Variants in PRRX1 observed in about 807,000 individuals in gnomAD.
PRRX1 encodes paired mesoderm homeobox protein 1.
A neutral mutation model predicts 24.0 loss-of-function variants in PRRX1; 8 were observed. The ratio of observed to expected loss-of-function variants is 0.33; its 90% CI spans 0.20 to 0.60. The LOEUF is 0.60. Ranked by LOEUF, PRRX1 falls within the 20% of genes least tolerant of loss-of-function variation. The pLI, the probability that PRRX1 is intolerant of heterozygous loss-of-function variation, is 0.82. For missense variants in PRRX1, 281 were observed against 322.4 expected (o/e 0.87, Z 0.98); for synonymous variants, 160 against 131.7 (o/e 1.22, Z -1.47).
At chr1:170,681,061 T>G (rs1401520178) in intron 1 of PRRX1, among the ~76,000 whole-genome samples, 1 of 152,180 alleles carries the variant, frequency 6.6e-6, no homozygotes, top group Non-Finnish European at 1.5e-5. Context: ...ACTTGTGCCT[T>G]TGGGTCTCTT....
chr1:170,684,694 A>C (rs1307178221), intron 1 of PRRX1, among the ~76,000 whole-genome samples: 1 of 152,318 alleles, frequency 6.6e-6, no homozygotes, highest in African/African-American at 2.4e-5. Context: ...CGGAGGTTGC[A>C]GTGAGCCAAG....
At chr1:170,690,986 G>A (rs1482965537) in intron 1 of PRRX1, among the ~76,000 whole-genome samples, 1 of 152,088 alleles carries the variant, frequency 6.6e-6, no homozygotes, top group Admixed American at 6.6e-5. Context: ...GTTTTATCTA[G>A]ACAGACAAAA....
intron 1 of PRRX1, among the ~76,000 whole-genome samples, chr1:170,700,152 T>C (rs912065997): frequency 2.0e-5 from 3 of 152,116 alleles, no homozygotes; most frequent in African/African-American, 7.2e-5. Context: ...AAACACCATA[T>C]TCAATTTTAT....
intron 2 of PRRX1, among the ~76,000 whole-genome samples, chr1:170,720,473 T>TTCCTC (rs1655045897): frequency 6.6e-6 from 1 of 152,216 alleles, no homozygotes; most frequent in African/African-American, 2.4e-5. Flanking sequence ...TTGCTACAGG[T>TTCCTC]TCCTCTCCCA....
chr1:170,669,688 A>G (rs1305417991), intron 1 of PRRX1, among the ~76,000 whole-genome samples: 1 of 151,984 alleles, frequency 6.6e-6, no homozygotes, highest in Non-Finnish European at 1.5e-5. Context: ...ACTCCTGGAA[A>G]ACCCTCCTTG....
chr1:170,705,201 G>A lies in PRRX1; in HGVS notation c.242-14525G>A, dbSNP rs138404476. On this transcript the variant is annotated intron_variant, in intron 1 of 3. Coordinates refer to ENST00000239461, the MANE Select transcript of PRRX1 (RefSeq NM_022716.4). The stretch of plus-strand genomic sequence containing the variant: ...TTAAGACCTCATTTATATAGCTCAT[G>A]GTTGTGTCAACCAGCATAATCTGGC... Among the ~76,000 whole-genome samples the A allele has an allele frequency of 6.5e-4, 99 of 152,122 alleles. 1 individual carries two copies. In the East Asian group the frequency reaches 0.016, roughly 25 times the overall value.
At chr1:170,691,982 C>T (rs1050811955) in intron 1 of PRRX1, among the ~76,000 whole-genome samples, 2 of 151,974 alleles carry the variant, frequency 1.3e-5, no homozygotes, top group Middle Eastern at 3.2e-3. Context: ...GTGCTTGGTA[C>T]TGTGTTAAGT....
intron 1 of PRRX1, among the ~76,000 whole-genome samples, chr1:170,684,272 C>G (rs1424946590): frequency 6.6e-6 from 1 of 152,174 alleles, no homozygotes; most frequent in East Asian, 1.9e-4. Flanking sequence ...TCAGGCTTGT[C>G]CTCTCTTTTC....
chr1:170,698,151 A>G (rs759481936), intron 1 of PRRX1, among the ~76,000 whole-genome samples: 1 of 152,174 alleles, frequency 6.6e-6, no homozygotes, highest in Non-Finnish European at 1.5e-5. Context: ...AAACAAAAAT[A>G]TTGAAGAGAA....
chr1:170,663,481 CTTTTTTTTTTAATTCTTAATT>C (rs1652796496), upstream of PRRX1: 1 of 150,534 alleles, frequency 6.6e-6, no homozygotes, highest in Non-Finnish European at 1.5e-5. Context: ...CTCTTGAAGC[CTTTTTTTTTTAATTCTTAATT>C]TTTTTTTTTA....
intron 1 of PRRX1, among the ~76,000 whole-genome samples, chr1:170,711,190 G>C (rs1420378456): frequency 1.3e-5 from 2 of 152,054 alleles, no homozygotes; most frequent in Non-Finnish European, 1.5e-5. Context: ...TGACATCCAA[G>C]ACCAGAGTAA....
chr1:170,690,174 T>C (rs559997431), intron 1 of PRRX1, among the ~76,000 whole-genome samples: 1 of 151,484 alleles, frequency 6.6e-6, no homozygotes, highest in South Asian at 2.1e-4. Flanking sequence ...TCCCACGCAC[T>C]GTAATAAGTA....
rs569820296 is a variant in PRRX1, at chr1:170,725,177, TG to T, written c.418-1039del. On this transcript the variant is annotated intron_variant, in intron 2 of 3. Transcript: ENST00000239461. The stretch of plus-strand genomic sequence containing the variant: ...GTTGCTTATCAGCTTAAGAAGTTTT[TG>T]GGGTGAGACGATAGGGTTTTCTAGA... Among the ~76,000 whole-genome samples the T allele has an allele frequency of 3.1e-3, 469 of 152,320 alleles. 4 individuals are homozygous for T. Among genetic ancestry groups the T allele is most frequent in the African/African-American group, 0.01 (425 of 41,574 alleles).
chr1:170,695,412 CT>C (rs973571903), intron 1 of PRRX1, among the ~76,000 whole-genome samples: 3 of 152,134 alleles, frequency 2.0e-5, no homozygotes, highest in Non-Finnish European at 4.4e-5. Context: ...ATGTTTTTCT[CT>C]TTTTACCAAA....
chr1:170,705,721 A>G (rs1223175962), intron 1 of PRRX1, among the ~76,000 whole-genome samples: 3 of 152,200 alleles, frequency 2.0e-5, no homozygotes, highest in Non-Finnish European at 4.4e-5. Context: ...TTAGTACTGT[A>G]CTAGGTAATG....
chr1:170,735,962 G>A, intron 3 of PRRX1, 86 bp from the exon 4 acceptor site: 3 of 1,567,928 alleles, frequency 1.9e-6, no homozygotes, highest in Admixed American at 1.7e-5. Flanking sequence ...CCCCCATGCT[G>A]AGAGTACATC....
chr1:170,712,243 G>A (rs918554390), intron 1 of PRRX1, among the ~76,000 whole-genome samples: 1 of 152,054 alleles, frequency 6.6e-6, no homozygotes, highest in Admixed American at 6.6e-5. Context: ...TTTTTAGAAA[G>A]CCAAGAATTG....
At chr1:170,713,400 A>G (rs2101912798) in intron 1 of PRRX1, among the ~76,000 whole-genome samples, 1 of 152,318 alleles carries the variant, frequency 6.6e-6, no homozygotes, top group South Asian at 2.1e-4. Flanking sequence ...CTTTAAGGAA[A>G]ATGTCTTAAG....
At chr1:170,703,053 CTT>C (rs1243834022) in intron 1 of PRRX1, among the ~76,000 whole-genome samples, 1 of 152,200 alleles carries the variant, frequency 6.6e-6, no homozygotes, top group Non-Finnish European at 1.5e-5. Context: ...GAAAACATCT[CTT>C]ATGAAAATCA....
Sources: gnomAD v4.1 joint callset for allele counts (sites outside exome capture counted in the v4.1 genomes callset) on GRCh38, gnomAD v4.1.1 for gene constraint, MANE v1.5 for transcripts, NCBI Gene and HGNC (gene_info 2026-07-23, HGNC 2026-07-21) for gene names.